The following CACNB2 variants were observed in gnomAD, a reference collection of about 807,000 sequenced individuals.
CACNB2 encodes the protein voltage-dependent L-type calcium channel subunit beta-2.
CACNB2 carries 42 observed loss-of-function variants against 73.3 expected under a neutral mutation model. That is an observed-to-expected ratio of 0.57 (90% CI 0.45 to 0.74). The LOEUF (loss-of-function observed/expected upper bound fraction) is 0.74. CACNB2 is among the 30% of genes least tolerant of loss of function. The pLI, the probability that CACNB2 is intolerant of heterozygous loss-of-function variation, is 0.00. For missense variants in CACNB2, 940 were observed against 853.0 expected, an observed-to-expected ratio of 1.10 and a Z score of -1.27; for synonymous variants, 348 against 310.3, an observed-to-expected ratio of 1.12 and a Z score of -1.28.
chr10:18,536,351 C>G (rs1185667159), intron 12 of CACNB2, among the ~76,000 whole-genome samples, 155 bp downstream of exon 12: 3 of 143,154 alleles, frequency 2.1e-5, no homozygotes, highest in African/African-American at 7.8e-5. Context: ...CCTGAACTCC[C>G]GGGCTCAAGT....
intron 4 of CACNB2, among the ~76,000 whole-genome samples, chr10:18,500,553 C>T (rs1175040569): frequency 1.3e-5 from 2 of 152,152 alleles, no homozygotes; most frequent in African/African-American, 4.8e-5. Context: ...ATGGTGACAG[C>T]AGCTGCTGCA....
At chr10:18,247,014 A>T (rs754559413) in intron 2 of CACNB2, among the ~76,000 whole-genome samples, 5 of 152,164 alleles carry the variant, frequency 3.3e-5, no homozygotes, top group Non-Finnish European at 5.9e-5. Flanking sequence ...GACCGTAGGT[A>T]AGATGCAGCC....
At chr10:18,390,564 A>T (rs2043425000) in intron 2 of CACNB2, among the ~76,000 whole-genome samples, 1 of 152,116 alleles carries the variant, frequency 6.6e-6, no homozygotes. Flanking sequence ...CTAGAGTTTT[A>T]TATTTATTTG....
intron 2 of CACNB2, among the ~76,000 whole-genome samples, chr10:18,303,920 T>C (rs1402756753): frequency 6.6e-6 from 1 of 152,208 alleles, no homozygotes; most frequent in Non-Finnish European, 1.5e-5. Flanking sequence ...TTAAAATTTA[T>C]TCAAGATCTA....
chr10:18,184,649 GTTTTTTTT>G (rs201899870), intron 2 of CACNB2, among the ~76,000 whole-genome samples: 47,299 of 88,958 alleles, frequency 0.53, 8,172 homozygotes, highest in South Asian at 0.62. Flanking sequence ...CTCAGACTTT[GTTTTTTTT>G]TTTTTTTTTT....
chr10:18,207,930 A>G (rs1378439862), intron 2 of CACNB2, among the ~76,000 whole-genome samples: 3 of 152,236 alleles, frequency 2.0e-5, no homozygotes, highest in Admixed American at 1.3e-4. Context: ...GAGTGAATTA[A>G]CAGTTTTGAT....
chr10:18,338,589 T>G (rs560449284), intron 2 of CACNB2, among the ~76,000 whole-genome samples: 1 of 152,222 alleles, frequency 6.6e-6, no homozygotes, highest in African/African-American at 2.4e-5. Context: ...TTTTATCCAC[T>G]TTTCTGTTGA....
chr10:18,459,028 G>T (rs1213544443), intron 3 of CACNB2, among the ~76,000 whole-genome samples: 1 of 152,134 alleles, frequency 6.6e-6, no homozygotes, highest in African/African-American at 2.4e-5. Context: ...GCCTCCCAAA[G>T]TGCTGGGATT....
At chr10:18,344,547 T>C (rs2041367389) in intron 2 of CACNB2, among the ~76,000 whole-genome samples, 1 of 151,978 alleles carries the variant, frequency 6.6e-6, no homozygotes, top group South Asian at 2.1e-4. Flanking sequence ...TTTTTTTGTA[T>C]TTTTAGTAGA....
intron 3 of CACNB2, among the ~76,000 whole-genome samples, chr10:18,441,233 G>T (rs759471699): frequency 6.6e-6 from 1 of 152,162 alleles, no homozygotes; most frequent in East Asian, 1.9e-4. Flanking sequence ...GTGAAACCCC[G>T]TCTCTACTAA....
chr10:18,197,283 C>T lies in CACNB2; in HGVS notation c.213+46308C>T, dbSNP rs182388083. Among the ~76,000 whole-genome samples, 39 of 152,308 alleles carry T rather than the reference C, an allele frequency of 2.6e-4. 1 individual carries two copies. In the East Asian group the frequency reaches 6.9e-3, roughly 27 times the overall value. On this transcript the variant is annotated intron_variant, in intron 2 of 13. Coordinates refer to ENST00000324631, the MANE Select transcript of CACNB2 (RefSeq NM_201596.3). The stretch of plus-strand genomic sequence containing the variant: ...ATCCCTTCCTTCTCATCCTCTCTAG[C>T]TCTTGGCCTATAACCTACTCCAGAC...
rs760174810 is a variant in CACNB2, at chr10:18,538,161, G to A, written c.1303-19G>A. 1.9e-6 allele frequency: 3 copies of A among 1,613,864 alleles called. No individual in the cohort carries two copies. The highest frequency in any genetic ancestry group is 1.7e-6 in the Non-Finnish European group (2 of 1,179,824). On this transcript the variant is annotated intron_variant, in intron 12 of 13. Coordinates refer to ENST00000324631, the MANE Select transcript of CACNB2 (RefSeq NM_201596.3). The stretch of plus-strand genomic sequence containing the variant: ...AACTGGGCTGGCATCAATGTGGTCT[G>A]GAATGTCTGCCTCTGCAGGAGCTGT...
At chr10:18,422,169 C>T (rs934211035) in intron 3 of CACNB2, among the ~76,000 whole-genome samples, 7 of 152,182 alleles carry the variant, frequency 4.6e-5, no homozygotes, top group Admixed American at 4.6e-4. Flanking sequence ...GTTTGGTCGC[C>T]TGCCTTAGGT....
intron 2 of CACNB2, chr10:18,260,701 A>C: frequency 1.0e-6 from 1 of 993,850 alleles, no homozygotes; most frequent in Non-Finnish European, 1.2e-6. Context: ...CAGTGAATCC[A>C]GGATGCTGCT....
At chr10:18,254,839 A>G (rs2037216819) in intron 2 of CACNB2, among the ~76,000 whole-genome samples, 1 of 152,258 alleles carries the variant, frequency 6.6e-6, no homozygotes, top group African/African-American at 2.4e-5. Flanking sequence ...ACTGAACTTC[A>G]GAAATGCATG....
chr10:18,255,579 C>T (rs191392861), intron 2 of CACNB2, among the ~76,000 whole-genome samples: 1 of 152,242 alleles, frequency 6.6e-6, no homozygotes, highest in East Asian at 1.9e-4. Flanking sequence ...TACTGGTGCC[C>T]AGCAGAGACA....
At chr10:18,402,658 C>A (rs1053563587) in intron 3 of CACNB2, among the ~76,000 whole-genome samples, 1 of 152,168 alleles carries the variant, frequency 6.6e-6, no homozygotes, top group African/African-American at 2.4e-5. Flanking sequence ...TAGATAGTTA[C>A]AGGATTCATC....
intron 2 of CACNB2, among the ~76,000 whole-genome samples, chr10:18,349,791 A>C (rs2041629746): frequency 6.6e-6 from 1 of 152,166 alleles, no homozygotes. Context: ...GAATGTATTC[A>C]ATGCCATTGA....
intron 2 of CACNB2, among the ~76,000 whole-genome samples, chr10:18,333,263 C>T (rs548951318): frequency 2.0e-5 from 3 of 152,124 alleles, no homozygotes; most frequent in Non-Finnish European, 2.9e-5. Context: ...AATAAAGTCT[C>T]ACCTTATCTG....
Sources: gnomAD v4.1 joint callset for allele counts (sites outside exome capture counted in the v4.1 genomes callset) on GRCh38, gnomAD v4.1.1 for gene constraint, MANE v1.5 for transcripts, NCBI Gene and HGNC (gene_info 2026-07-23, HGNC 2026-07-21) for gene names.